CDH13: variants seen among roughly 807,000 people sequenced by gnomAD.
The protein encoded by CDH13 is cadherin 13.
CDH13 carries 24 observed loss-of-function variants against 63.8 expected under a neutral mutation model. That is an observed-to-expected ratio of 0.38 (90% CI 0.27 to 0.53). The LOEUF (loss-of-function observed/expected upper bound fraction) is 0.53. Among genes scored for constraint, CDH13 ranks in the 20% least tolerant of loss-of-function variants. CDH13 has a pLI of 0.85. For missense variants in CDH13, 1,049 were observed against 903.1 expected (o/e 1.16, Z -2.07); for synonymous variants, 503 against 355.3 (o/e 1.42, Z -4.67).
chr16:83,787,192 C>A (rs904149723), intron 13 of CDH13, among the ~76,000 whole-genome samples: 1 of 152,242 alleles, frequency 6.6e-6, no homozygotes, highest in East Asian at 1.9e-4. Context: ...ACCTGTGTTA[C>A]ATTCACAAGG....
chr16:83,073,381 T>G (rs971790453), intron 3 of CDH13, among the ~76,000 whole-genome samples: 1 of 135,584 alleles, frequency 7.4e-6, no homozygotes, highest in Non-Finnish European at 1.6e-5. Context: ...GAGAGAGCTT[T>G]CTTAATTACC....
intron 7 of CDH13, among the ~76,000 whole-genome samples, chr16:83,488,582 C>A (rs1396836449): frequency 6.6e-6 from 1 of 151,886 alleles, no homozygotes; most frequent in Non-Finnish European, 1.5e-5. Context: ...CATTTCATCT[C>A]CCATTCTCTT....
intron 4 of CDH13, among the ~76,000 whole-genome samples, chr16:83,172,984 C>T (rs1177302475): frequency 2.0e-5 from 3 of 152,070 alleles, no homozygotes; most frequent in African/African-American, 4.8e-5. Flanking sequence ...CTACCGTTAA[C>T]GTGTCCGAAA....
chr16:82,628,875 C>T (rs1022931853), intron 1 of CDH13, among the ~76,000 whole-genome samples: 7 of 152,198 alleles, frequency 4.6e-5, no homozygotes, highest in African/African-American at 1.4e-4. Context: ...GTTGTTTAAC[C>T]TCTTTGAGCT....
chr16:83,262,739 A>G (rs1907141955), intron 5 of CDH13, among the ~76,000 whole-genome samples: 1 of 152,232 alleles, frequency 6.6e-6, no homozygotes, highest in Non-Finnish European at 1.5e-5. Context: ...TAATAAATGC[A>G]CTAGAATAAC....
intron 1 of CDH13, among the ~76,000 whole-genome samples, chr16:82,786,586 A>T (rs2151126126): frequency 6.6e-6 from 1 of 151,534 alleles, no homozygotes; most frequent in African/African-American, 2.4e-5. Flanking sequence ...TACATGTGCC[A>T]TGTTGGTGTG....
At chr16:82,764,341 C>T (rs549498972) in intron 1 of CDH13, among the ~76,000 whole-genome samples, 89 of 152,212 alleles carry the variant, frequency 5.8e-4, no homozygotes, top group South Asian at 1.2e-3. Context: ...AGAAAGGATT[C>T]TCATTTGTCT....
At chr16:82,942,476 AC>A (rs1904301133) in intron 2 of CDH13, among the ~76,000 whole-genome samples, 1 of 152,202 alleles carries the variant, frequency 6.6e-6, no homozygotes, top group African/African-American at 2.4e-5. Context: ...AGACTATAAC[AC>A]ACGCCAGAGG....
chr16:83,549,607 A>G (rs545162897), intron 7 of CDH13, among the ~76,000 whole-genome samples: 1 of 151,680 alleles, frequency 6.6e-6, no homozygotes, highest in South Asian at 2.1e-4. Context: ...CACTGGGACT[A>G]TAGCTTTATT....
At chr16:82,720,355 T>G (rs1181960911) in intron 1 of CDH13, among the ~76,000 whole-genome samples, 1 of 152,236 alleles carries the variant, frequency 6.6e-6, no homozygotes, top group Non-Finnish European at 1.5e-5. Flanking sequence ...CAGTACTTCA[T>G]GAGTTTTTGT....
intron 4 of CDH13, among the ~76,000 whole-genome samples, chr16:83,154,182 G>A (rs921101097): frequency 2.0e-5 from 3 of 152,114 alleles, no homozygotes; most frequent in African/African-American, 7.2e-5. Flanking sequence ...CATGACACGA[G>A]CTTATCCTAA....
At chr16:83,137,347 C>G (rs1259704931) in intron 4 of CDH13, among the ~76,000 whole-genome samples, 6 of 152,162 alleles carry the variant, frequency 3.9e-5, no homozygotes. Flanking sequence ...GCAATTGTCC[C>G]AGTTCTACCT....
chr16:82,972,485 G>C (rs780523907), intron 2 of CDH13, among the ~76,000 whole-genome samples: 8 of 152,156 alleles, frequency 5.3e-5, no homozygotes, highest in East Asian at 1.9e-4. Context: ...TGAGTCTCCA[G>C]AGCAAGTTGT....
chr16:83,229,286 G>A (rs747444864), intron 5 of CDH13, among the ~76,000 whole-genome samples: 25 of 152,120 alleles, frequency 1.6e-4, no homozygotes, highest in Non-Finnish European at 3.7e-4. Context: ...CAGGCACTGG[G>A]GAAAAGAGAT....
intron 4 of CDH13, among the ~76,000 whole-genome samples, chr16:83,172,212 C>T (rs9934143): frequency 1.3e-5 from 2 of 152,042 alleles, no homozygotes; most frequent in African/African-American, 2.4e-5. Context: ...GGCAGATGGC[C>T]GGGTACGGTG....
At chr16:83,405,723 T>A (rs188182978) in intron 6 of CDH13, among the ~76,000 whole-genome samples, 42 of 152,300 alleles carry the variant, frequency 2.8e-4, no homozygotes, top group African/African-American at 9.9e-4. Flanking sequence ...GTGCACTGAG[T>A]TGTTCTTTAC....
At chr16:83,711,392 G>A (rs1478198659) in intron 10 of CDH13, among the ~76,000 whole-genome samples, 2 of 152,192 alleles carry the variant, frequency 1.3e-5, no homozygotes, top group Non-Finnish European at 2.9e-5. Context: ...ATCTTGGGGG[G>A]CTTTATCTTA....
chr16:82,782,110 A>C (rs1232619879), intron 1 of CDH13, among the ~76,000 whole-genome samples: 1 of 152,212 alleles, frequency 6.6e-6, no homozygotes, highest in African/African-American at 2.4e-5. Context: ...GTTTGGTAGA[A>C]ATATGGATAT....
At chr16:82,941,102 G>C (rs546479436) in intron 2 of CDH13, among the ~76,000 whole-genome samples, 1 of 152,242 alleles carries the variant, frequency 6.6e-6, no homozygotes, top group East Asian at 1.9e-4. Context: ...TGAGAGATTG[G>C]ATGAAAAGTG....
Sources: gnomAD v4.1 joint callset for allele counts (sites outside exome capture counted in the v4.1 genomes callset) on GRCh38, gnomAD v4.1.1 for gene constraint, MANE v1.5 for transcripts, NCBI Gene and HGNC (gene_info 2026-07-23, HGNC 2026-07-21) for gene names.